The following BTBD1 variants were observed in gnomAD, a reference collection of about 807,000 sequenced individuals.
BTBD1 encodes the protein BTB/POZ domain-containing protein 1.
BTBD1 carries 34 observed loss-of-function variants against 48.0 expected under a neutral mutation model. The observed-to-expected ratio is 0.71, with a 90% CI of 0.54 to 0.94. BTBD1 has a LOEUF of 0.94. Among genes scored for constraint, BTBD1 ranks in the 40% least tolerant of loss-of-function variants. BTBD1 has a pLI of 0.00. For synonymous variants in BTBD1, 261 were observed against 242.1 expected, an observed-to-expected ratio of 1.08 and a Z score of -0.72; for missense variants, 543 against 625.6, an observed-to-expected ratio of 0.87 and a Z score of 1.41.
intron 3 of BTBD1, among the ~76,000 whole-genome samples, chr15:83,047,245 G>C (rs1045473749): frequency 3.3e-5 from 5 of 152,184 alleles, no homozygotes; most frequent in African/African-American, 9.7e-5. Flanking sequence ...CAAGAGTAAT[G>C]GAACAGGGAT....
intron 4 of BTBD1, among the ~76,000 whole-genome samples, chr15:83,038,062 C>A (rs1034672463): frequency 3.3e-5 from 5 of 152,090 alleles, no homozygotes; most frequent in African/African-American, 1.2e-4. Flanking sequence ...CCAGCCTAGG[C>A]AACAAACAAG....
chr15:83,057,267 C>T (rs2033103361), intron 1 of BTBD1, among the ~76,000 whole-genome samples: 1 of 152,118 alleles, frequency 6.6e-6, no homozygotes, highest in Non-Finnish European at 1.5e-5. Context: ...TACAGTAAGG[C>T]CAAGAGGAAA....
chr15:83,058,522 T>C (rs900236569), intron 1 of BTBD1, among the ~76,000 whole-genome samples: 2 of 152,048 alleles, frequency 1.3e-5, no homozygotes, highest in African/African-American at 4.8e-5. Flanking sequence ...GGCAGGAGAC[T>C]CACTTGAATC....
chr15:83,035,740 G>A (rs1229031758), intron 4 of BTBD1, among the ~76,000 whole-genome samples: 1 of 151,956 alleles, frequency 6.6e-6, no homozygotes, highest in Non-Finnish European at 1.5e-5. Flanking sequence ...AGAAAGTAAT[G>A]AAATGGAAAA....
intron 5 of BTBD1, among the ~76,000 whole-genome samples, chr15:83,023,387 T>C (rs2032338295): frequency 6.6e-6 from 1 of 151,980 alleles, no homozygotes; most frequent in Non-Finnish European, 1.5e-5. Flanking sequence ...AAAATTTTTA[T>C]TTTTTTTATT....
At chr15:83,030,019 T>C in intron 5 of BTBD1, 117 bp downstream of exon 5, 7 of 953,514 alleles carry the variant, frequency 7.3e-6, no homozygotes, top group Non-Finnish European at 1.1e-5. Flanking sequence ...AACTTAAAAG[T>C]GTATTAAATG....
In BTBD1 at chr15:83,017,874, G is replaced by T; in HGVS notation, c.*193C>A. 2.8e-6 allele frequency: 1 copy of T among 361,560 alleles called. No individual in the cohort carries two copies. The highest frequency in any genetic ancestry group is 4.9e-6 in the Non-Finnish European group (1 of 204,808). The allele number at this position is 361,560 out of a possible 1,614,324, so 22.4% of individuals were successfully genotyped here. On this transcript the variant is annotated 3_prime_UTR_variant, in exon 8 of 8. Coordinates refer to ENST00000261721, the MANE Select transcript of BTBD1 (RefSeq NM_025238.4). ...AACCCAGTTCTTTTCTCTTAAAGTT[G>T]TAAGAAAATGGAAAATCTGTTTTTA...
intron 4 of BTBD1, among the ~76,000 whole-genome samples, chr15:83,038,845 A>T (rs1175364738): frequency 6.6e-6 from 1 of 152,214 alleles, no homozygotes; most frequent in Non-Finnish European, 1.5e-5. Flanking sequence ...GAAGAATGAA[A>T]CTGGACCCCT....
chr15:83,032,888 C>A (rs1471581283), intron 4 of BTBD1, among the ~76,000 whole-genome samples: 1 of 144,754 alleles, frequency 6.9e-6, no homozygotes, highest in African/African-American at 2.6e-5. Context: ...AGGAGAATCA[C>A]TTGAACCTGG....
intron 1 of BTBD1, among the ~76,000 whole-genome samples, chr15:83,057,352 A>AC (rs1215519073): frequency 2.0e-5 from 3 of 152,246 alleles, no homozygotes; most frequent in African/African-American, 4.8e-5. Context: ...CCTCTCTAAA[A>AC]AGATGAGAAT....
rs1640886154 is a variant in BTBD1 at position 83,030,297 on chromosome 15, A to G, written c.894T>C (p.Arg298=). The change falls in exon 5 of 8, where the codon CGT becomes CGC. Residue 298 remains arginine (R), a synonymous_variant. Transcript: ENST00000261721. ...GPAQSGILSD[R]EVVNLFLHFT... The stretch of plus-strand genomic sequence containing the variant: ...AATGAAGAAAGAGGTTTACCACTTC[A>G]CGATCTGACAAAATTCCAGATTGAG... 1 of 1,614,146 alleles carries G rather than the reference A, an allele frequency of 6.2e-7. No individual in the cohort carries two copies. The highest frequency in any genetic ancestry group is 8.5e-7 in the Non-Finnish European group (1 of 1,179,998).
intron 3 of BTBD1, among the ~76,000 whole-genome samples, chr15:83,045,392 G>A (rs977494940): frequency 6.6e-6 from 1 of 152,158 alleles, no homozygotes; most frequent in Non-Finnish European, 1.5e-5. Flanking sequence ...AGCTACTCGG[G>A]ATGCTGGGGT....
In BTBD1 at chr15:83,041,884, G is replaced by C. The variant is rs770156272; in HGVS notation, c.706C>G (p.Arg236Gly). The C allele has an allele frequency of 2.5e-6, 4 of 1,613,948 alleles. No individual in the cohort carries two copies. Among genetic ancestry groups the C allele is most frequent in the Non-Finnish European group, 3.4e-6 (4 of 1,180,020 alleles). The change falls in exon 4 of 8, where the codon CGA becomes GGA. Residue 236 changes from arginine to glycine, a missense_variant. Arg to Gly is a moderately radical substitution (Grantham distance 125, BLOSUM62 -2). Coordinates refer to ENST00000261721, the MANE Select transcript of BTBD1 (RefSeq NM_025238.4). Reference sequence around the variant, plus strand: ...ACAGCTCCAAAAAGTCGACTTTCTCGAATACTGAGTGTGTCTCTCTCTAAA... The same window carrying C: ...ACAGCTCCAAAAAGTCGACTTTCTCCAATACTGAGTGTGTCTCTCTCTAAA... ...AVLERDTLSI[R>G]ESRLFGAVVR...
At chr15:83,051,385 T>C in intron 2 of BTBD1, among the ~76,000 whole-genome samples, 1 of 151,896 alleles carries the variant, frequency 6.6e-6, no homozygotes, top group Non-Finnish European at 1.5e-5. Context: ...GATAAATATC[T>C]AAACAATTAT....
At chr15:83,025,129 AGATCACCTGAGGTCAGGAGTTCAT>A (rs1284371512) in intron 5 of BTBD1, among the ~76,000 whole-genome samples, 9 of 152,062 alleles carry the variant, frequency 5.9e-5, no homozygotes, top group African/African-American at 2.2e-4. Flanking sequence ...GGAGGTGGGC[AGATCACCTGAGGTCAGGAGTTCAT>A]GACCAGCCTG....
At chr15:83,029,311 T>C (rs1463854756) in intron 5 of BTBD1, among the ~76,000 whole-genome samples, 1 of 152,248 alleles carries the variant, frequency 6.6e-6, no homozygotes, top group South Asian at 2.1e-4. Context: ...GATTCTATTT[T>C]GACATTCAAC....
At chr15:83,064,131 GT>G (rs1162366990) in intron 1 of BTBD1, among the ~76,000 whole-genome samples, 1 of 152,220 alleles carries the variant, frequency 6.6e-6, no homozygotes, top group African/African-American at 2.4e-5. Flanking sequence ...TCATGAGCCT[GT>G]AAGTAATGTT....
Position 83,056,556 on chromosome 15 carries a change from A to G in BTBD1, c.402-11T>C, listed in dbSNP as rs1417748763. The G allele has an allele frequency of 6.2e-7, 1 of 1,611,802 alleles. No individual in the cohort carries two copies. The highest frequency in any genetic ancestry group is 8.5e-7 in the Non-Finnish European group (1 of 1,178,270). On this transcript the variant is annotated splice_polypyrimidine_tract_variant and intron_variant, in intron 1 of 7. Transcript: ENST00000261721. ...TCTGAATATAGAAATCTGGAAAACA[A>G]TTGGCATATTTGCAGAGATGGTCAG...
chr15:83,067,032 C>T lies in BTBD1; in HGVS notation c.120G>A (p.Leu40=). ...SPSSLGPLLP[L]QREPLYNWQA... is the part of the protein sequence containing the mutation. ...GCCAGTTGTAGAGAGGTTCCCGCTGCAGGGGGAGCAGGGGCCCCAGAGAGG... is the reference window on the plus strand; with the variant it reads ...GCCAGTTGTAGAGAGGTTCCCGCTGTAGGGGGAGCAGGGGCCCCAGAGAGG... Residue 40 remains leucine (L), a synonymous_variant, in exon 1 of 8, where the codon CTG becomes CTA. Transcript: ENST00000261721. The T allele has an allele frequency of 1.3e-6, 2 of 1,581,202 alleles. No individual in the cohort carries two copies. The highest frequency in any genetic ancestry group is 2.5e-5 in the East Asian group (1 of 40,020).
Sources: gnomAD v4.1 joint callset for allele counts (sites outside exome capture counted in the v4.1 genomes callset) on GRCh38, gnomAD v4.1.1 for gene constraint, MANE v1.5 for transcripts, NCBI Gene and HGNC (gene_info 2026-07-23, HGNC 2026-07-21) for gene names.